Variants in IL1RAPL2 observed in about 807,000 individuals in gnomAD.
IL1RAPL2 encodes interleukin 1 receptor accessory protein like 2.
In IL1RAPL2, 3 loss-of-function variants were observed where a neutral mutation model predicts 44.1. That is an observed-to-expected ratio of 0.07 (90% CI 0.03 to 0.18). The LOEUF (loss-of-function observed/expected upper bound fraction) is 0.18. IL1RAPL2 is among the 10% of genes least tolerant of loss of function. IL1RAPL2 has a pLI of 1.00. For missense variants in IL1RAPL2, 391 were observed against 496.4 expected, an observed-to-expected ratio of 0.79 and a Z score of 2.02; for synonymous variants, 181 against 178.8, an observed-to-expected ratio of 1.01 and a Z score of -0.10.
intron 4 of IL1RAPL2, among the ~76,000 whole-genome samples, chrX:105,246,703 G>T (rs996706677): frequency 1.9e-4 from 21 of 111,608 alleles, no homozygotes; most frequent in African/African-American, 6.8e-4. Context: ...CCTGAGAAAA[G>T]AACTCAGATA....
intron 2 of IL1RAPL2, among the ~76,000 whole-genome samples, chrX:104,825,056 C>T (rs1921415129): frequency 9.0e-6 from 1 of 111,345 alleles, no homozygotes; most frequent in African/African-American, 3.3e-5. Context: ...TAGTGAGTTC[C>T]GAAATTATTA....
intron 6 of IL1RAPL2, among the ~76,000 whole-genome samples, chrX:105,500,502 T>C (rs5962290): frequency 0.12 from 13,704 of 111,094 alleles, 2,108 homozygotes; most frequent in African/African-American, 0.43. Context: ...GACTGTTCTA[T>C]ATTATTGCTT....
At chrX:105,264,593 C>T in intron 4 of IL1RAPL2, among the ~76,000 whole-genome samples, 1 of 111,402 alleles carries the variant, frequency 9.0e-6, no homozygotes, top group South Asian at 3.8e-4. Context: ...TTGCAAAAGG[C>T]GTATTAGTGG....
At chrX:105,251,029 G>GA (rs1033715593) in intron 4 of IL1RAPL2, among the ~76,000 whole-genome samples, 1 of 110,547 alleles carries the variant, frequency 9.0e-6, no homozygotes, top group African/African-American at 3.3e-5. Context: ...TATCTACTTA[G>GA]AAAAAAATTA....
chrX:104,648,382 T>C (rs2008182), intron 1 of IL1RAPL2, among the ~76,000 whole-genome samples: 3,171 of 112,529 alleles, frequency 0.028, 129 homozygotes, highest in African/African-American at 0.097. Flanking sequence ...ATTGCTGTAG[T>C]ATAGATTCAT....
chrX:105,588,222 C>T (rs1225066813), intron 6 of IL1RAPL2, among the ~76,000 whole-genome samples: 4 of 110,275 alleles, frequency 3.6e-5, no homozygotes, highest in African/African-American at 1.3e-4. Flanking sequence ...ATAGTTTCTG[C>T]AAGATGTTAC....
chrX:105,032,388 A>C (rs2031521527), intron 2 of IL1RAPL2, among the ~76,000 whole-genome samples: 1 of 106,724 alleles, frequency 9.4e-6, no homozygotes, highest in Non-Finnish European at 1.9e-5. Context: ...CCCTCTACAC[A>C]CTGCTTTGAA....
At chrX:105,314,380 C>T (rs1325698953) in intron 5 of IL1RAPL2, among the ~76,000 whole-genome samples, 1 of 110,378 alleles carries the variant, frequency 9.1e-6, no homozygotes, top group Non-Finnish European at 1.9e-5. Flanking sequence ...GCATGACATA[C>T]TCTGGGCTTT....
chrX:105,521,054 C>T (rs1288044059), intron 6 of IL1RAPL2, among the ~76,000 whole-genome samples: 1 of 103,383 alleles, frequency 9.7e-6, no homozygotes, highest in Non-Finnish European at 2.0e-5. Flanking sequence ...CCTGCCTCAG[C>T]CTCCCGAGTA....
intron 6 of IL1RAPL2, among the ~76,000 whole-genome samples, chrX:105,657,306 T>C (rs1388804865): frequency 8.9e-6 from 1 of 112,385 alleles, no homozygotes; most frequent in Non-Finnish European, 1.9e-5. Flanking sequence ...GTACTTGTAC[T>C]TTCAGCCATT....
chrX:105,184,937 A>G (rs1194444210), intron 2 of IL1RAPL2, among the ~76,000 whole-genome samples: 1 of 111,954 alleles, frequency 8.9e-6, no homozygotes, highest in South Asian at 3.7e-4. Context: ...TAGCAGTAGG[A>G]ATAGGAAAGC....
At chrX:105,373,786 T>C (rs1217350626) in intron 5 of IL1RAPL2, among the ~76,000 whole-genome samples, 1 of 110,013 alleles carries the variant, frequency 9.1e-6, no homozygotes, top group African/African-American at 3.3e-5. Flanking sequence ...GAGTAGGGAG[T>C]CCTTTCCCCA....
At position 105,606,588 on chromosome X, in the gene IL1RAPL2, A is replaced by T. The variant is rs776388151; in HGVS notation, c.773-110779A>T. On this transcript the variant is annotated intron_variant, in intron 6 of 10. Coordinates refer to ENST00000372582, the MANE Select transcript of IL1RAPL2 (RefSeq NM_017416.2). ...AGGAAAGGAAATCAATGTATCAAAG[A>T]GATATTTACACCCCCATGTTTATTG... Among the ~76,000 whole-genome samples, 6 of 111,783 alleles carry T rather than the reference A, an allele frequency of 5.4e-5. No individual in the cohort carries two copies. The East Asian group carries it at 1.7e-3, about 31-fold the overall frequency.
intron 1 of IL1RAPL2, among the ~76,000 whole-genome samples, chrX:104,635,477 C>T (rs561364024): frequency 1.9e-4 from 21 of 111,882 alleles, no homozygotes; most frequent in South Asian, 3.8e-4. Flanking sequence ...CTTTCAGGTA[C>T]GCCAATCAGA....
intron 4 of IL1RAPL2, among the ~76,000 whole-genome samples, chrX:105,251,969 A>G (rs1171588151): frequency 1.8e-5 from 2 of 110,861 alleles, no homozygotes; most frequent in Admixed American, 1.9e-4. Context: ...ACAAATAGCA[A>G]AATTCATCCC....
At chrX:105,114,707 G>T (rs1181518199) in intron 2 of IL1RAPL2, among the ~76,000 whole-genome samples, 2 of 111,818 alleles carry the variant, frequency 1.8e-5, no homozygotes, top group Non-Finnish European at 3.8e-5. Context: ...CTCCAAAAGA[G>T]AGACTGAAAA....
At chrX:104,920,126 A>T (rs1263906294) in intron 2 of IL1RAPL2, among the ~76,000 whole-genome samples, 1 of 111,015 alleles carries the variant, frequency 9.0e-6, no homozygotes, top group Admixed American at 9.5e-5. Flanking sequence ...CCCAATATTT[A>T]CTTTACTGAG....
rs773602791 is a variant in IL1RAPL2, at chrX:105,583,196, G to A, written c.772+98809G>A. Among the ~76,000 whole-genome samples, 8 of 105,867 alleles carry A rather than the reference G, an allele frequency of 7.6e-5. No individual in the cohort carries two copies. In the South Asian group the frequency reaches 3.0e-3, roughly 40 times the overall value. The allele number at this position is 105,867 out of a possible 115,157, so 91.9% of individuals were successfully genotyped here. A position where few individuals can be genotyped will look rare whatever the true frequency, so the allele number is the denominator to read the frequency against. ...GTCGCCCAGGCTGTAGTGCAGTGGT[G>A]TGATCTCGGCTCTCTGCAACCTCCG... On this transcript the variant is annotated intron_variant, in intron 6 of 10. Coordinates refer to ENST00000372582, the MANE Select transcript of IL1RAPL2 (RefSeq NM_017416.2).
At chrX:105,140,446 G>A (rs374795843) in intron 2 of IL1RAPL2, among the ~76,000 whole-genome samples, 1 of 112,035 alleles carries the variant, frequency 8.9e-6, no homozygotes, top group African/African-American at 3.3e-5. Context: ...AGGATATAAT[G>A]AACCTGGAAC....
Sources: allele counts gnomAD v4.1 joint callset (sites outside exome capture counted in the v4.1 genomes callset), GRCh38; gene constraint gnomAD v4.1.1; transcripts MANE v1.5; gene names NCBI Gene and HGNC (gene_info 2026-07-23, HGNC 2026-07-21).